R3HDM2: variants seen among roughly 807,000 people sequenced by gnomAD.
R3HDM2 encodes R3H domain-containing protein 2.
Under a neutral mutation model 124.5 loss-of-function variants are expected in R3HDM2, and 38 were observed. The observed-to-expected ratio is 0.31, with a 90% confidence interval of 0.24 to 0.40. The LOEUF (loss-of-function observed/expected upper bound fraction) is 0.40, where lower values mean the gene tolerates loss of function less well. R3HDM2 is among the 10% of genes least tolerant of loss of function. The probability of loss-of-function intolerance (pLI) is 1.00; values close to 1 mark genes in which losing one functional copy is unlikely to be tolerated. For missense variants in R3HDM2, 869 were observed against 1,236.9 expected, an observed-to-expected ratio of 0.70 and a Z score of 4.46; for synonymous variants, 391 against 448.0, an observed-to-expected ratio of 0.87 and a Z score of 1.61.
At chr12:57,395,154 G>A (rs1418522098) in intron 2 of R3HDM2, among the ~76,000 whole-genome samples, 2 of 151,152 alleles carry the variant, frequency 1.3e-5, no homozygotes, top group African/African-American at 4.9e-5. Flanking sequence ...AGGTTGCTGA[G>A]ATCACGCCAT....
At chr12:57,338,908 G>A (rs961937715) in intron 2 of R3HDM2, among the ~76,000 whole-genome samples, 1 of 151,682 alleles carries the variant, frequency 6.6e-6, no homozygotes. Context: ...CTAATGCTAA[G>A]TCTTTAAATG....
intron 2 of R3HDM2, among the ~76,000 whole-genome samples, chr12:57,357,850 A>C (rs546544757): frequency 4.6e-4 from 70 of 151,924 alleles, no homozygotes; most frequent in South Asian, 1.7e-3. Context: ...TTTCCATATC[A>C]TGTTCCCATT....
intron 2 of R3HDM2, among the ~76,000 whole-genome samples, chr12:57,380,244 C>T (rs1490131639): frequency 1.3e-5 from 2 of 152,188 alleles, no homozygotes; most frequent in Non-Finnish European, 2.9e-5. Flanking sequence ...CTCTCAAAAA[C>T]ATATTGTTTT....
At chr12:57,428,938 G>T (rs573848094) in intron 1 of R3HDM2, among the ~76,000 whole-genome samples, 5 of 151,994 alleles carry the variant, frequency 3.3e-5, no homozygotes, top group Admixed American at 2.0e-4. Flanking sequence ...GTAGAGACGG[G>T]GTTCCACCAT....
rs545286075 is a variant in R3HDM2, at chr12:57,288,647, C to T, written c.938+362G>A. ...GGTCCCCTTCACCACCTGTTTAGGA[C>T]TCGAAATGAAATCAGCAACAATAAA... On this transcript the variant is annotated intron_variant, in intron 12 of 23. Transcript: ENST00000402412. Among the ~76,000 whole-genome samples, 133 of 152,124 alleles carry T rather than the reference C, an allele frequency of 8.7e-4. 1 individual carries two copies. Among genetic ancestry groups the T allele is most frequent in the Non-Finnish European group, 5.9e-5 (4 of 67,986 alleles).
intron 2 of R3HDM2, among the ~76,000 whole-genome samples, chr12:57,328,011 C>T (rs931883926): frequency 6.6e-6 from 1 of 151,914 alleles, no homozygotes; most frequent in East Asian, 1.9e-4. Flanking sequence ...CAAACTGTAC[C>T]GTATGCTCTA....
chr12:57,332,712 A>G (rs1233714435), intron 2 of R3HDM2, among the ~76,000 whole-genome samples: 2 of 152,218 alleles, frequency 1.3e-5, no homozygotes, highest in African/African-American at 2.4e-5. Context: ...TGCTTATCCA[A>G]TGAACCAAAC....
intron 1 of R3HDM2, chr12:57,418,370 A>G (rs2069855120): frequency 4.1e-6 from 4 of 984,100 alleles, no homozygotes; most frequent in East Asian, 1.1e-4. Context: ...CCTTCAGCAG[A>G]GCAACTGGCA....
At chr12:57,303,076 C>G (rs946233579) in intron 4 of R3HDM2, 100 bp downstream of exon 4, 1 of 1,155,922 alleles carries the variant, frequency 8.7e-7, no homozygotes, top group African/African-American at 1.5e-5. Flanking sequence ...CAAGAAAACT[C>G]TGCCTACATA....
chr12:57,297,540 C>T (rs879547036), intron 7 of R3HDM2, among the ~76,000 whole-genome samples, 153 bp from the exon 8 acceptor site: 8 of 152,168 alleles, frequency 5.3e-5, no homozygotes, highest in Admixed American at 2.0e-4. Context: ...GCTGCTAAGC[C>T]TCACTTGCCT....
intron 2 of R3HDM2, among the ~76,000 whole-genome samples, chr12:57,378,076 G>GT (rs1299443304): frequency 6.6e-6 from 1 of 152,132 alleles, no homozygotes; most frequent in East Asian, 1.9e-4. Context: ...TCCAGCCTGG[G>GT]TAACAGAGCA....
At chr12:57,306,761 T>A (rs1000086461) in intron 3 of R3HDM2, among the ~76,000 whole-genome samples, 4 of 152,054 alleles carry the variant, frequency 2.6e-5, no homozygotes, top group Admixed American at 1.3e-4. Context: ...ACGCCTGTAA[T>A]CCCAGCACTT....
intron 1 of R3HDM2, among the ~76,000 whole-genome samples, chr12:57,421,155 C>G (rs1430678217): frequency 7.1e-6 from 1 of 141,674 alleles, no homozygotes; most frequent in Non-Finnish European, 1.5e-5. Flanking sequence ...CCATGTCTAA[C>G]AGATTCTTTT....
intron 2 of R3HDM2, among the ~76,000 whole-genome samples, chr12:57,364,660 T>A (rs1489891254): frequency 6.6e-6 from 1 of 151,450 alleles, no homozygotes; most frequent in East Asian, 2.0e-4. Context: ...TTCCTCTTCT[T>A]AAAAGGACAC....
chr12:57,313,143 G>T (rs1044644059), intron 2 of R3HDM2, among the ~76,000 whole-genome samples: 3 of 152,094 alleles, frequency 2.0e-5, no homozygotes, highest in African/African-American at 7.2e-5. Context: ...TATGTAGTAT[G>T]TATGTATGTA....
intron 2 of R3HDM2, among the ~76,000 whole-genome samples, chr12:57,331,616 G>T (rs1305307684): frequency 6.6e-6 from 1 of 152,010 alleles, no homozygotes; most frequent in Non-Finnish European, 1.5e-5. Flanking sequence ...GGCAATATAG[G>T]GAAACTCTGT....
At chr12:57,278,741 CT>C (rs1218632774) in intron 14 of R3HDM2, among the ~76,000 whole-genome samples, 1 of 152,158 alleles carries the variant, frequency 6.6e-6, no homozygotes, top group Non-Finnish European at 1.5e-5. Context: ...AAAGAACTGA[CT>C]TAGACTAAGA....
chr12:57,348,693 CAAAAAAAAAAAA>C (rs1168127324), intron 2 of R3HDM2, among the ~76,000 whole-genome samples: 2 of 25,134 alleles, frequency 8.0e-5, no homozygotes, highest in African/African-American at 3.3e-4. Flanking sequence ...GACTCCGTCT[CAAAAAAAAAAAA>C]AAAAAAAAAA....
At chr12:57,352,633 C>T (rs1277369572) in intron 2 of R3HDM2, among the ~76,000 whole-genome samples, 1 of 151,796 alleles carries the variant, frequency 6.6e-6, no homozygotes, top group African/African-American at 2.4e-5. Flanking sequence ...GCTGGGACTA[C>T]AGGTGCGCGC....
Sources: allele counts gnomAD v4.1 joint callset (sites outside exome capture counted in the v4.1 genomes callset), GRCh38; gene constraint gnomAD v4.1.1; transcripts MANE v1.5; gene names NCBI Gene and HGNC (gene_info 2026-07-23, HGNC 2026-07-21).